The following PRKG2 variants were observed in gnomAD, a reference collection of about 807,000 sequenced individuals.
The protein encoded by PRKG2 is protein kinase cGMP-dependent 2, also known as cGMP-dependent protein kinase 2.
A neutral mutation model predicts 97.2 loss-of-function variants in PRKG2; 33 were observed. The ratio of observed to expected loss-of-function variants is 0.34; its 90% confidence interval spans 0.26 to 0.45. The LOEUF (loss-of-function observed/expected upper bound fraction) is 0.45, where lower values mean the gene tolerates loss of function less well. Ranked by LOEUF, PRKG2 falls within the 20% of genes least tolerant of loss-of-function variation. The pLI is 1.00. For synonymous variants in PRKG2, 330 were observed against 321.8 expected, an observed-to-expected ratio of 1.03 and a Z score of -0.27; for missense variants, 638 against 900.0, an observed-to-expected ratio of 0.71 and a Z score of 3.73.
intron 2 of PRKG2, among the ~76,000 whole-genome samples, chr4:81,195,336 C>G (rs923492086): frequency 1.3e-5 from 2 of 152,136 alleles, no homozygotes; most frequent in Admixed American, 1.3e-4. Flanking sequence ...GGCCTGGCAC[C>G]TAGAAACATG....
intron 3 of PRKG2, among the ~76,000 whole-genome samples, chr4:81,173,304 A>C (rs1750650614): frequency 6.6e-6 from 1 of 152,158 alleles, no homozygotes; most frequent in African/African-American, 2.4e-5. Flanking sequence ...TGTGTGCCAT[A>C]ACTCTGATCT....
At chr4:81,090,318 A>G (rs1192156617) in intron 18 of PRKG2, among the ~76,000 whole-genome samples, 1 of 152,036 alleles carries the variant, frequency 6.6e-6, no homozygotes, top group Non-Finnish European at 1.5e-5. Context: ...AGATCACACC[A>G]CTGCACTCCA....
intron 14 of PRKG2, among the ~76,000 whole-genome samples, chr4:81,121,386 T>C (rs1745054795): frequency 6.6e-6 from 1 of 152,196 alleles, no homozygotes; most frequent in African/African-American, 2.4e-5. Flanking sequence ...TAATTTCTTA[T>C]GTAAATGTTG....
chr4:81,171,845 G>A (rs778187022), intron 3 of PRKG2, 41 bp from the exon 4 acceptor site: 73 of 1,376,544 alleles, frequency 5.3e-5, no homozygotes, highest in Middle Eastern at 1.8e-4. Flanking sequence ...ACAAATAATC[G>A]AAATCCGTGT....
rs1490967207 is a variant in PRKG2 at position 81,092,367 on chromosome 4, A to G, written c.2193+19T>C. Reference sequence around the variant, plus strand: ...ATCCCTGGGAAAAAAATAAAAAAGTAATATAATAAATACAATACCTCTCTT... The same window carrying G: ...ATCCCTGGGAAAAAAATAAAAAAGTGATATAATAAATACAATACCTCTCTT... On this transcript the variant is annotated intron_variant, in intron 18 of 18. Coordinates refer to ENST00000264399, the MANE Select transcript of PRKG2 (RefSeq NM_006259.3). The G allele has an allele frequency of 6.7e-7, 1 of 1,484,168 alleles. No individual in the cohort carries two copies. Among genetic ancestry groups the G allele is most frequent in the South Asian group, 1.3e-5 (1 of 77,354 alleles). 91.9% of individuals were successfully genotyped at this position (1,484,168 alleles called of 1,614,324 possible).
chr4:81,153,907 C>A lies in PRKG2; in HGVS notation c.913-186G>T, dbSNP rs568463256. On this transcript the variant is annotated intron_variant, in intron 6 of 18. Coordinates refer to ENST00000264399, the MANE Select transcript of PRKG2 (RefSeq NM_006259.3). ...GACAGTGGGCACAGGTCAGTGGGTG[C>A]GCGCACCGTGCGCGAGCCGAAGCAG... 3.8e-3 allele frequency among the ~76,000 whole-genome samples: 579 copies of A among 152,144 alleles called. 6 individuals are homozygous for A. Among genetic ancestry groups the A allele is most frequent in the African/African-American group, 0.013 (546 of 41,498 alleles).
intron 14 of PRKG2, among the ~76,000 whole-genome samples, chr4:81,124,401 C>G (rs953377357): frequency 6.6e-6 from 1 of 152,164 alleles, no homozygotes; most frequent in Admixed American, 6.5e-5. Context: ...TATCCTTTTG[C>G]TATTCTGAAG....
chr4:81,090,860 C>A (rs909457973), intron 18 of PRKG2, among the ~76,000 whole-genome samples: 2 of 152,054 alleles, frequency 1.3e-5, no homozygotes, highest in Non-Finnish European at 2.9e-5. Flanking sequence ...GAATCTGATC[C>A]CATTCTTCTA....
At chr4:81,141,244 C>G (rs949767463) in intron 11 of PRKG2, among the ~76,000 whole-genome samples, 1 of 152,090 alleles carries the variant, frequency 6.6e-6, no homozygotes, top group Non-Finnish European at 1.5e-5. Flanking sequence ...CTCCTGAGCC[C>G]AAGCAATCCT....
chr4:81,091,995 AT>A (rs1741586448), intron 18 of PRKG2, among the ~76,000 whole-genome samples: 1 of 152,210 alleles, frequency 6.6e-6, no homozygotes, highest in African/African-American at 2.4e-5. Context: ...TTGAAATAAT[AT>A]TTTGGAGGTA....
chr4:81,154,588 G>A (rs1448315426), intron 6 of PRKG2, among the ~76,000 whole-genome samples: 1 of 147,732 alleles, frequency 6.8e-6, no homozygotes, highest in Admixed American at 6.6e-5. Context: ...CTAACAAACA[G>A]AAAGGACATC....
intron 2 of PRKG2, among the ~76,000 whole-genome samples, chr4:81,198,056 G>A (rs1379399593): frequency 6.6e-6 from 1 of 152,222 alleles, no homozygotes; most frequent in African/African-American, 2.4e-5. Context: ...AGGCTCCTCA[G>A]AGTCAGCACA....
At chr4:81,165,330 T>C (rs1306431925) in intron 6 of PRKG2, among the ~76,000 whole-genome samples, 2 of 152,174 alleles carry the variant, frequency 1.3e-5, no homozygotes, top group Non-Finnish European at 2.9e-5. Flanking sequence ...CTCCCTTCCT[T>C]ACCCCCTGCT....
At chr4:81,181,860 A>T (rs1221413021) in intron 2 of PRKG2, among the ~76,000 whole-genome samples, 2 of 152,026 alleles carry the variant, frequency 1.3e-5, no homozygotes, top group Non-Finnish European at 2.9e-5. Flanking sequence ...TTTCAAAAAC[A>T]TCAAGTATGG....
At chr4:81,146,973 A>G (rs1463055660) in intron 9 of PRKG2, among the ~76,000 whole-genome samples, 1 of 152,186 alleles carries the variant, frequency 6.6e-6, no homozygotes, top group Non-Finnish European at 1.5e-5. Flanking sequence ...TAAATCCAAG[A>G]TGTAAGTAAA....
intron 14 of PRKG2, among the ~76,000 whole-genome samples, chr4:81,131,669 T>C (rs915958129): frequency 2.6e-5 from 4 of 152,208 alleles, no homozygotes; most frequent in African/African-American, 7.2e-5. Context: ...TTTTTGTATA[T>C]GGTTTGTGGT....
chr4:81,092,005 T>A (rs571927035), intron 18 of PRKG2, among the ~76,000 whole-genome samples: 24 of 152,256 alleles, frequency 1.6e-4, no homozygotes, highest in African/African-American at 5.5e-4. Flanking sequence ...ATTTTGGAGG[T>A]ATTATGATAA....
chr4:81,149,098 ATCCCCCC>A, intron 8 of PRKG2, 146 bp from the exon 9 acceptor site: 2 of 719,250 alleles, frequency 2.8e-6, no homozygotes, highest in Admixed American at 2.3e-5. Flanking sequence ...CATAATTTAT[ATCCCCCC>A]AAAAAAAGAT....
chr4:81,163,215 T>G (rs1362828887), intron 6 of PRKG2, among the ~76,000 whole-genome samples: 1 of 152,182 alleles, frequency 6.6e-6, no homozygotes, highest in African/African-American at 2.4e-5. Flanking sequence ...ACCAAAAATA[T>G]ATAGTGGTAA....
Sources: gnomAD v4.1 joint callset for allele counts (sites outside exome capture counted in the v4.1 genomes callset) on GRCh38, gnomAD v4.1.1 for gene constraint, MANE v1.5 for transcripts, NCBI Gene and HGNC (gene_info 2026-07-23, HGNC 2026-07-21) for gene names.